MT4: variants seen among roughly 807,000 people sequenced by gnomAD.
MT4 encodes the protein metallothionein-4.
A neutral mutation model predicts 9.5 loss-of-function variants in MT4; 11 were observed. The ratio of observed to expected loss-of-function variants is 1.16; its 90% CI spans 0.73 to 1.92. The LOEUF (loss-of-function observed/expected upper bound fraction) is 1.92. Ranked by LOEUF, MT4 falls within the 30% of genes most tolerant of loss-of-function variation. The pLI is 0.00. For missense variants in MT4, 88 were observed against 78.7 expected (o/e 1.12, Z -0.45); for synonymous variants, 29 against 24.6 (o/e 1.18, Z -0.53).
chr16:56,566,634 GAGAGAGAGAAAGAGAAA>G (rs1468233935), intron 1 of MT4, among the ~76,000 whole-genome samples: 2 of 128,302 alleles, frequency 1.6e-5, no homozygotes, highest in Non-Finnish European at 3.5e-5. Context: ...AAGGGGGAGA[GAGAGAGAGAAAGAGAAA>G]AGAGAGAGAA....
intron 1 of MT4, 84 bp from the exon 2 acceptor site, chr16:56,567,667 C>T: frequency 7.6e-7 from 1 of 1,311,010 alleles, no homozygotes; most frequent in Non-Finnish European, 1.1e-6. Context: ...AGGAGCCTTG[C>T]CACTCTGACA....
chr16:56,568,213 GAGAAAGAAAGAAAGAAAGAAAGAA>G (rs796608259), intron 2 of MT4, among the ~76,000 whole-genome samples: 2 of 44,248 alleles, frequency 4.5e-5, no homozygotes, highest in Admixed American at 2.5e-4. Context: ...GAGAGAGAGA[GAGAAAGAAAGAAAGAAAGAAAGAA>G]AGAAAGAAAG....
chr16:56,565,571 G>A (rs1368686684), intron 1 of MT4, among the ~76,000 whole-genome samples: 1 of 152,142 alleles, frequency 6.6e-6, no homozygotes, highest in African/African-American at 2.4e-5. Context: ...CTTATTCCCA[G>A]CCAACCACAT....
At chr16:56,566,855 G>GAAAGAAAGAAAGAAAGAAAT (rs1438973822) in intron 1 of MT4, among the ~76,000 whole-genome samples, 1 of 146,828 alleles carries the variant, frequency 6.8e-6, no homozygotes, top group Non-Finnish European at 1.5e-5. Context: ...AAGAAAGAAA[G>GAAAGAAAGAAAGAAAGAAAT]AAATGAGGGA....
chr16:56,568,186 A>C (rs1050227720), intron 2 of MT4, among the ~76,000 whole-genome samples: 5 of 133,748 alleles, frequency 3.7e-5, no homozygotes, highest in Non-Finnish European at 7.9e-5. Context: ...AAAGGAAGGA[A>C]GGAAGGAAGG....
Position 56,568,943 on chromosome 16 carries a change from T to C in MT4, c.*11T>C, listed in dbSNP as rs201405000. 1.4e-5 allele frequency: 23 copies of C among 1,593,212 alleles called. No homozygotes were observed. In the Admixed American group the frequency reaches 3.5e-4, roughly 24 times the overall value. ...AGCTGCTGCCCATGAAAGCCATCCA[T>C]CGTGCCCACCCCTTCCAAGGAGAGA... On this transcript the variant is annotated 3_prime_UTR_variant, in exon 3 of 3. Transcript: ENST00000219162.
At position 56,568,893 on chromosome 16, in the gene MT4, C is replaced by T. The variant is rs1418742670; in HGVS notation, c.150C>T (p.Ile50=). The T allele has an allele frequency of 2.5e-6, 4 of 1,608,726 alleles. No individual in the cohort carries two copies. Among genetic ancestry groups the T allele is most frequent in the Non-Finnish European group, 2.5e-6 (3 of 1,177,296 alleles). ...GTGCCAAATGTGCCCGGGGCTGCAT[C>T]TGCAAAGGAGGCTCAGACAAGTGCA... is the stretch of plus-strand genomic sequence containing the variant. ...PGCAKCARGC[I]CKGGSDKCSC... is the part of the protein sequence containing the mutation. Residue 50 remains isoleucine, a synonymous_variant, in exon 3 of 3, where the codon ATC becomes ATT. Coordinates refer to ENST00000219162, the MANE Select transcript of MT4 (RefSeq NM_032935.3).
chr16:56,566,819 A>AAGGAAGGAAAG (rs1567330038), intron 1 of MT4, among the ~76,000 whole-genome samples: 3 of 52,488 alleles, frequency 5.7e-5, no homozygotes, highest in Non-Finnish European at 1.2e-4. Flanking sequence ...AGAAAGAAAG[A>AAGGAAGGAAAG]AAAGAAAGAA....
At chr16:56,568,268 AG>A (rs1959574730) in intron 2 of MT4, among the ~76,000 whole-genome samples, 1 of 91,314 alleles carries the variant, frequency 1.1e-5, no homozygotes, top group African/African-American at 4.9e-5. Flanking sequence ...AGAGAGAGAG[AG>A]AGAGAAAGAA....
intron 1 of MT4, among the ~76,000 whole-genome samples, chr16:56,567,236 C>G (rs1959547888): frequency 6.6e-6 from 1 of 151,782 alleles, no homozygotes; most frequent in Admixed American, 6.6e-5. Context: ...GTTGGCCAAG[C>G]TGATCTCAAA....
chr16:56,566,765 GGAAGGAAAGAAA>G lies in MT4; in HGVS notation c.32-982_32-971del, dbSNP rs1452649638. Among the ~76,000 whole-genome samples the G allele has an allele frequency of 2.9e-3, 165 of 56,688 alleles. 1 individual carries two copies. The highest frequency in any genetic ancestry group is 0.01 in the African/African-American group (151 of 14,760). The allele number at this position is 56,688 out of a possible 152,430, so 37.2% of individuals were successfully genotyped here. On this transcript the variant is annotated intron_variant, in intron 1 of 2. Coordinates refer to ENST00000219162, the MANE Select transcript of MT4 (RefSeq NM_032935.3). ...AAGAAAGAAGGAAGGAAGGAAGGAA[GGAAGGAAAGAAA>G]GAAAGAAAGAAAGAAAGAAAGAAAG...
chr16:56,566,634 G>GAGAGAGAGAAAGAGAAA (rs1468233935), intron 1 of MT4, among the ~76,000 whole-genome samples: 1 of 128,208 alleles, frequency 7.8e-6, no homozygotes, highest in Non-Finnish European at 1.7e-5. Context: ...AAGGGGGAGA[G>GAGAGAGAGAAAGAGAAA]AGAGAGAGAA....
At chr16:56,565,208 C>T (rs1027729534) in intron 1 of MT4, 49 bp downstream of exon 1, 1 of 1,591,552 alleles carries the variant, frequency 6.3e-7, no homozygotes, top group Non-Finnish European at 8.6e-7. Context: ...GACCAGCTTC[C>T]TACAGGGAGC....
At chr16:56,566,721 A>G (rs12924321) in intron 1 of MT4, among the ~76,000 whole-genome samples, 1,275 of 19,872 alleles carry the variant, frequency 0.064, 3 homozygotes, top group Non-Finnish European at 0.11. Context: ...AAAGAAAGAA[A>G]GAAAGAAAGA....
chr16:56,566,730 GAAAGAAAGAAAGAAA>G (rs766728127), intron 1 of MT4, among the ~76,000 whole-genome samples: 629 of 32,616 alleles, frequency 0.019, 7 homozygotes, highest in Admixed American at 0.058. Flanking sequence ...AAGAAAGAAA[GAAAGAAAGAAAGAAA>G]GAAGGAAGGA....
chr16:56,568,805 C>T lies in MT4; in HGVS notation c.98-36C>T, dbSNP rs375452367. The T allele has an allele frequency of 7.1e-4, 1,030 of 1,459,332 alleles. 20 individuals are homozygous for T. The South Asian group carries it at 0.013, about 18-fold the overall frequency. 90.4% of individuals were successfully genotyped at this position (1,459,332 alleles called of 1,614,324 possible). Reference sequence around the variant, plus strand: ...GGCAGTGGTGAGATGGAAGTGTTGACCCACAGCGGATCTGCGCATCTCCTG... The same window carrying T: ...GGCAGTGGTGAGATGGAAGTGTTGATCCACAGCGGATCTGCGCATCTCCTG... On this transcript the variant is annotated intron_variant, in intron 2 of 2. Coordinates refer to ENST00000219162, the MANE Select transcript of MT4 (RefSeq NM_032935.3).
chr16:56,567,828 G>GCCCCCAGTCACCAT lies in MT4; in HGVS notation c.97+12_97+13insCCCCCAGTCACCAT. The GCCCCCAGTCACCAT allele has an allele frequency of 6.2e-7, 1 of 1,608,210 alleles. No homozygotes were observed. The highest frequency in any genetic ancestry group is 8.5e-7 in the Non-Finnish European group (1 of 1,175,112). On this transcript the variant is annotated intron_variant, in intron 2 of 2. Coordinates refer to ENST00000219162, the MANE Select transcript of MT4 (RefSeq NM_032935.3). ...AACATATTGGAAGAGTGAGTATGGT[G>GCCCCCAGTCACCAT]ACTGGGGGCACCATGGGCTGGGAGT...
At chr16:56,568,800 GTT>G (rs1233956963) in intron 2 of MT4, 39 bp from the exon 3 acceptor site, 1 of 1,415,290 alleles carries the variant, frequency 7.1e-7, no homozygotes. Flanking sequence ...AGATGGAAGT[GTT>G]GACCCACAGC....
Position 56,568,932 on chromosome 16 carries a change from A to G in MT4, c.189A>G (p.Ter63TrpextTer?). The G allele has an allele frequency of 6.3e-7, 1 of 1,599,672 alleles. No individual in the cohort carries two copies. The highest frequency in any genetic ancestry group is 8.5e-7 in the Non-Finnish European group (1 of 1,172,362). ...GGSDKCSCCP[*>W] ...CAGACAAGTGCAGCTGCTGCCCATG[A>G]AAGCCATCCATCGTGCCCACCCCTT... The change falls in exon 3 of 3, where the codon TGA (stop) becomes TGG (tryptophan). Residue 63 changes from the stop codon to tryptophan (W), a stop_lost. Coordinates refer to ENST00000219162, the MANE Select transcript of MT4 (RefSeq NM_032935.3).
Sources: gnomAD v4.1 joint callset for allele counts (sites outside exome capture counted in the v4.1 genomes callset) on GRCh38, gnomAD v4.1.1 for gene constraint, MANE v1.5 for transcripts, NCBI Gene and HGNC (gene_info 2026-07-23, HGNC 2026-07-21) for gene names.